HSD17B12: variants seen among roughly 807,000 people sequenced by gnomAD.
The protein encoded by HSD17B12 is very-long-chain 3-oxoacyl-CoA reductase.
Under a neutral mutation model 39.3 loss-of-function variants are expected in HSD17B12, and 32 were observed. The observed-to-expected ratio is 0.81, with a 90% confidence interval of 0.61 to 1.09. The LOEUF (loss-of-function observed/expected upper bound fraction) is 1.09, where lower values mean the gene tolerates loss of function less well. HSD17B12 is among the 50% of genes least tolerant of loss of function. The pLI is 0.00. For synonymous variants in HSD17B12, 150 were observed against 146.7 expected (o/e 1.02, Z -0.16); for missense variants, 342 against 382.9 (o/e 0.89, Z 0.89).
intron 1 of HSD17B12, chr11:43,724,217 CTCTGTG>C (rs1950200444): frequency 8.9e-6 from 1 of 112,408 alleles, no homozygotes; most frequent in African/African-American, 3.4e-5. Context: ...TATGTGTATG[CTCTGTG>C]TGTGTGTGTG....
chr11:43,573,058 A>G, the HSD17B12 span, among the ~76,000 whole-genome samples: 1 of 152,192 alleles, frequency 6.6e-6, no homozygotes, highest in Non-Finnish European at 1.5e-5. Flanking sequence ...GGGCTTCGTG[A>G]TAAGCAGCCT....
the HSD17B12 span, among the ~76,000 whole-genome samples, chr11:43,566,667 C>T: frequency 8.8e-3 from 1,336 of 152,162 alleles, 15 homozygotes; most frequent in East Asian, 0.034. Context: ...GTAGCTGTGA[C>T]TACAGGCGCA....
At chr11:43,690,377 TATATATATATATATATATATATATA>T (rs1565049565) in intron 1 of HSD17B12, among the ~76,000 whole-genome samples, 25 of 9,984 alleles carry the variant, frequency 2.5e-3, no homozygotes, top group Middle Eastern at 0.015. Context: ...TATATATATA[TATATATATATATATATATATATATA>T]TATTTTTTTT....
intron 1 of HSD17B12, chr11:43,733,973 A>G: frequency 4.2e-6 from 3 of 713,532 alleles, no homozygotes; most frequent in South Asian, 1.5e-5. Flanking sequence ...GTTCTCGACC[A>G]CGTAATGCTC....
intron 4 of HSD17B12, among the ~76,000 whole-genome samples, chr11:43,800,933 G>T (rs1417624110): frequency 2.0e-5 from 3 of 152,130 alleles, no homozygotes; most frequent in Non-Finnish European, 4.4e-5. Context: ...GAGGTCAGGA[G>T]TTTGAGACCA....
chr11:43,619,198 G>GATAT, the HSD17B12 span, among the ~76,000 whole-genome samples: 2 of 42,342 alleles, frequency 4.7e-5, no homozygotes, highest in African/African-American at 8.8e-5. Flanking sequence ...ATATATATAT[G>GATAT]ATATATATAT....
In HSD17B12 at chr11:43,690,390, ATATATATATATATATTTTTT is replaced by A. The variant is rs1949847966; in HGVS notation, c.160+9405_160+9424del. On this transcript the variant is annotated intron_variant, in intron 1 of 10. Coordinates refer to ENST00000278353, the MANE Select transcript of HSD17B12 (RefSeq NM_016142.3). ...TATATATATATATATATATATATAT[ATATATATATATATATTTTTT>A]TTTTTTTTTTTCTGAGACAGGGTCT... Among the ~76,000 whole-genome samples, 2 of 14,588 alleles carry A rather than the reference ATATATATATATATATTTTTT, an allele frequency of 1.4e-4. 1 individual carries two copies. Among genetic ancestry groups the A allele is most frequent in the Non-Finnish European group, 2.2e-4 (2 of 8,910 alleles). The allele number at this position is 14,588 out of a possible 152,430, so 9.6% of individuals were successfully genotyped here.
the HSD17B12 span, among the ~76,000 whole-genome samples, chr11:43,619,397 T>C: frequency 2.0e-5 from 3 of 147,750 alleles, no homozygotes. Context: ...TTCTTTTCTT[T>C]TTTTTTTTTG....
At chr11:43,647,692 A>C in the HSD17B12 span, among the ~76,000 whole-genome samples, 1 of 152,306 alleles carries the variant, frequency 6.6e-6, no homozygotes, top group South Asian at 2.1e-4. Flanking sequence ...ATATTATTTG[A>C]AAAAGAAGAA....
chr11:43,613,435 GAAC>G, the HSD17B12 span, among the ~76,000 whole-genome samples: 2 of 150,408 alleles, frequency 1.3e-5, no homozygotes, highest in African/African-American at 2.4e-5. Context: ...AAAAACAAAC[GAAC>G]AACAACAACA....
chr11:43,745,250 G>C (rs757975249), intron 1 of HSD17B12, among the ~76,000 whole-genome samples: 62 of 152,190 alleles, frequency 4.1e-4, no homozygotes, highest in Non-Finnish European at 7.9e-4. Context: ...TCAGCCCAAA[G>C]TTGGCAATTT....
intron 2 of HSD17B12, 53 bp downstream of exon 2, chr11:43,751,010 G>A: frequency 2.6e-6 from 3 of 1,173,004 alleles, no homozygotes; most frequent in South Asian, 2.7e-5. Flanking sequence ...GAATAAATAT[G>A]GGATGATTTC....
At chr11:43,689,838 C>T (rs895210062) in intron 1 of HSD17B12, among the ~76,000 whole-genome samples, 10 of 152,032 alleles carry the variant, frequency 6.6e-5, no homozygotes, top group African/African-American at 2.4e-4. Context: ...TGTGAGCCAC[C>T]GCACCCGGCC....
chr11:43,657,520 G>A, the HSD17B12 span, among the ~76,000 whole-genome samples: 1 of 152,170 alleles, frequency 6.6e-6, no homozygotes, highest in Admixed American at 6.5e-5. Flanking sequence ...AATTTGGCAT[G>A]TTTTTGCAGT....
At chr11:43,733,822 G>A (rs1399804674) in intron 1 of HSD17B12, 7 of 701,556 alleles carry the variant, frequency 1.0e-5, no homozygotes, top group South Asian at 8.3e-5. Flanking sequence ...TGCAGGAGGT[G>A]TGGTAAACTC....
At chr11:43,800,393 T>G (rs1415411239) in intron 4 of HSD17B12, among the ~76,000 whole-genome samples, 3 of 152,194 alleles carry the variant, frequency 2.0e-5, no homozygotes, top group Admixed American at 2.0e-4. Flanking sequence ...TTCATCACAG[T>G]TGTGTTTAGT....
the HSD17B12 span, among the ~76,000 whole-genome samples, chr11:43,604,365 G>A: frequency 2.0e-5 from 3 of 152,122 alleles, no homozygotes; most frequent in Non-Finnish European, 2.9e-5. Flanking sequence ...GGACAATGTT[G>A]CACTAGCATT....
intron 1 of HSD17B12, among the ~76,000 whole-genome samples, chr11:43,699,827 A>G (rs545237599): frequency 1.2e-4 from 18 of 152,342 alleles, no homozygotes; most frequent in African/African-American, 4.1e-4. Flanking sequence ...TTGAATAGAC[A>G]TTTCTCAGGA....
chr11:43,620,923 G>A, the HSD17B12 span, among the ~76,000 whole-genome samples: 2 of 152,208 alleles, frequency 1.3e-5, no homozygotes, highest in Admixed American at 1.3e-4. Flanking sequence ...TTGTTCACTT[G>A]TAGGGTATAA....
Sources: allele counts gnomAD v4.1 joint callset (sites outside exome capture counted in the v4.1 genomes callset), GRCh38; gene constraint gnomAD v4.1.1; transcripts MANE v1.5; gene names NCBI Gene and HGNC (gene_info 2026-07-23, HGNC 2026-07-21).